The following PHLDB2 variants were observed in gnomAD, a reference collection of about 807,000 sequenced individuals.
PHLDB2 encodes the protein pleckstrin homology-like domain family B member 2.
In PHLDB2, 71 loss-of-function variants were observed where a neutral mutation model predicts 123.6. The ratio of observed to expected loss-of-function variants is 0.57; its 90% CI spans 0.47 to 0.70. The LOEUF (loss-of-function observed/expected upper bound fraction) is 0.70, where lower values mean the gene tolerates loss of function less well. PHLDB2 is among the 30% of genes least tolerant of loss of function. The pLI is 0.00. For synonymous variants in PHLDB2, 547 were observed against 541.6 expected (o/e 1.01, Z -0.14); for missense variants, 1,446 against 1,519.5 (o/e 0.95, Z 0.80).
In PHLDB2 at chr3:111,885,407, C is replaced by T. The variant is rs1478068984; in HGVS notation, c.1330C>T (p.Arg444Ter). 1.9e-6 allele frequency: 3 copies of T among 1,613,932 alleles called. No homozygotes were observed. Among genetic ancestry groups the T allele is most frequent in the Admixed American group, 1.7e-5 (1 of 59,998 alleles). ...EERLREQEME[R>*]LERQRLETIL... ...AAGACTCAGGGAGCAGGAAATGGAG[C>T]GATTGGTAATCTTCATCTCAACAGT... is the stretch of plus-strand genomic sequence containing the variant. Residue 444 changes from arginine to a stop codon, truncating the protein, a stop_gained, in exon 2 of 18, where the codon CGA becomes TGA. Coordinates refer to ENST00000431670, the MANE Select transcript of PHLDB2 (RefSeq NM_001134438.2). LOFTEE classifies it high-confidence loss of function.
intron 1 of PHLDB2, among the ~76,000 whole-genome samples, chr3:111,802,552 C>T (rs756920037): frequency 2.6e-4 from 40 of 152,156 alleles, no homozygotes; most frequent in Non-Finnish European, 3.8e-4. Flanking sequence ...AGCAAGATGA[C>T]GTGTAACCTC....
chr3:111,839,287 T>A (rs1005597704), intron 1 of PHLDB2, among the ~76,000 whole-genome samples: 5 of 151,836 alleles, frequency 3.3e-5, no homozygotes, highest in African/African-American at 1.2e-4. Flanking sequence ...TTGGGATAAT[T>A]AACTAACTTG....
chr3:111,947,352 A>G (rs1004620441), intron 9 of PHLDB2, among the ~76,000 whole-genome samples: 3 of 152,200 alleles, frequency 2.0e-5, no homozygotes, highest in African/African-American at 7.2e-5. Context: ...GAGTACAACA[A>G]TGAGTTGCTA....
At chr3:111,939,716 A>G (rs2069739458) in intron 7 of PHLDB2, 86 bp downstream of exon 7, 3 of 1,336,804 alleles carry the variant, frequency 2.2e-6, no homozygotes, top group Non-Finnish European at 3.1e-6. Flanking sequence ...TCTGAATATC[A>G]CATTTGACAG....
At chr3:111,760,924 C>T (rs1042743148) in intron 1 of PHLDB2, among the ~76,000 whole-genome samples, 4 of 152,096 alleles carry the variant, frequency 2.6e-5, no homozygotes, top group East Asian at 3.9e-4. Flanking sequence ...TGGTGGCTCA[C>T]GCCTGTAATC....
At chr3:111,887,667 A>G (rs536234700) in intron 2 of PHLDB2, among the ~76,000 whole-genome samples, 2 of 152,318 alleles carry the variant, frequency 1.3e-5, no homozygotes, top group East Asian at 3.9e-4. Context: ...TCCAAAACAT[A>G]TATCCACATT....
At chr3:111,836,021 C>T (rs1051210168) in intron 1 of PHLDB2, among the ~76,000 whole-genome samples, 2 of 152,186 alleles carry the variant, frequency 1.3e-5, no homozygotes, top group Non-Finnish European at 2.9e-5. Flanking sequence ...GTGGCATGAG[C>T]ATGTAAGCCA....
At chr3:111,906,490 G>A (rs1247512420) in intron 2 of PHLDB2, among the ~76,000 whole-genome samples, 2 of 152,174 alleles carry the variant, frequency 1.3e-5, no homozygotes, top group Admixed American at 6.5e-5. Flanking sequence ...GTACATTGAC[G>A]AAAGGAGGAC....
intron 2 of PHLDB2, among the ~76,000 whole-genome samples, chr3:111,897,845 G>A (rs1179175420): frequency 6.6e-6 from 1 of 152,174 alleles, no homozygotes; most frequent in Non-Finnish European, 1.5e-5. Flanking sequence ...CTGAGATATT[G>A]TGGGTTTGGT....
intron 16 of PHLDB2, among the ~76,000 whole-genome samples, chr3:111,971,552 A>G (rs2072183565): frequency 6.6e-6 from 1 of 152,204 alleles, no homozygotes; most frequent in Admixed American, 6.5e-5. Context: ...TATTTATGAT[A>G]TAACTGGCTG....
chr3:111,878,957 T>C (rs36166234), intron 1 of PHLDB2, among the ~76,000 whole-genome samples: 9,087 of 152,306 alleles, frequency 0.06, 350 homozygotes, highest in Non-Finnish European at 0.078. Flanking sequence ...GGTTTTCCAG[T>C]ATTTTATTGA....
Position 111,813,031 on chromosome 3 carries a change from G to A in PHLDB2, c.-48-32790G>A, listed in dbSNP as rs568211460. Among the ~76,000 whole-genome samples, 6 of 152,256 alleles carry A rather than the reference G, an allele frequency of 3.9e-5. No homozygotes were observed. In the East Asian group the frequency reaches 9.7e-4, roughly 25 times the overall value. On this transcript the variant is annotated intron_variant, in intron 1 of 17. Transcript: ENST00000393923. Reference sequence around the variant, plus strand: ...AAGCTCCGCTAAAGAAGAGACCAAGGCTTCAATAATCAAAATCTAGCAGAG... The same window carrying A: ...AAGCTCCGCTAAAGAAGAGACCAAGACTTCAATAATCAAAATCTAGCAGAG...
At chr3:111,898,337 A>G (rs1049704515) in intron 2 of PHLDB2, among the ~76,000 whole-genome samples, 2 of 151,902 alleles carry the variant, frequency 1.3e-5, no homozygotes, top group African/African-American at 2.4e-5. Flanking sequence ...ACCAGCCACC[A>G]CACCCAGCTA....
chr3:111,734,890 A>G (rs1941634950), intron 1 of PHLDB2, among the ~76,000 whole-genome samples: 1 of 152,206 alleles, frequency 6.6e-6, no homozygotes, highest in Admixed American at 6.5e-5. Flanking sequence ...TGGATGTGCC[A>G]TGCCTGAGCC....
At chr3:111,747,451 A>G (rs993810200) in intron 1 of PHLDB2, among the ~76,000 whole-genome samples, 2 of 152,210 alleles carry the variant, frequency 1.3e-5, no homozygotes, top group Non-Finnish European at 2.9e-5. Flanking sequence ...AGGGACTTTC[A>G]TGTAAAAGAA....
intron 16 of PHLDB2, among the ~76,000 whole-genome samples, 158 bp from the exon 17 acceptor site, chr3:111,973,574 G>C (rs1387618348): frequency 1.3e-5 from 2 of 151,996 alleles, no homozygotes; most frequent in Admixed American, 1.3e-4. Context: ...TTCCAGTATA[G>C]ATAGAAGGGG....
chr3:111,973,178 G>A (rs2072322606), intron 16 of PHLDB2, among the ~76,000 whole-genome samples: 2 of 152,154 alleles, frequency 1.3e-5, no homozygotes, highest in South Asian at 4.1e-4. Context: ...TTTGAAAACA[G>A]TTTGGAAATT....
At chr3:111,838,806 A>G (rs1289832015) in intron 1 of PHLDB2, among the ~76,000 whole-genome samples, 1 of 152,170 alleles carries the variant, frequency 6.6e-6, no homozygotes, top group Non-Finnish European at 1.5e-5. Flanking sequence ...GATTTTCTTG[A>G]AGAGCAGTTA....
intron 8 of PHLDB2, among the ~76,000 whole-genome samples, chr3:111,944,022 T>C (rs1484086252): frequency 6.6e-6 from 1 of 152,194 alleles, no homozygotes; most frequent in Non-Finnish European, 1.5e-5. Flanking sequence ...AATTGTTAGG[T>C]ATATTTATAT....
Sources: gnomAD v4.1 joint callset for allele counts (sites outside exome capture counted in the v4.1 genomes callset) on GRCh38, gnomAD v4.1.1 for gene constraint, MANE v1.5 for transcripts, NCBI Gene and HGNC (gene_info 2026-07-23, HGNC 2026-07-21) for gene names.